LRMDA: variants seen among roughly 807,000 people sequenced by gnomAD.
LRMDA encodes leucine rich melanocyte differentiation associated, also known as leucine-rich melanocyte differentiation-associated protein.
LRMDA carries 18 observed loss-of-function variants against 29.8 expected under a neutral mutation model. The observed-to-expected ratio is 0.60, with a 90% CI of 0.42 to 0.90. The LOEUF is 0.90. Among genes scored for constraint, LRMDA ranks in the 40% least tolerant of loss-of-function variants. The pLI is 0.00. For synonymous variants in LRMDA, 125 were observed against 109.4 expected (o/e 1.14, Z -0.89); for missense variants, 273 against 273.9 (o/e 1.00, Z 0.02).
intron 5 of LRMDA, among the ~76,000 whole-genome samples, chr10:76,205,991 C>T (rs192974948): frequency 2.0e-5 from 3 of 152,292 alleles, no homozygotes; most frequent in Admixed American, 6.5e-5. Context: ...GTGACCCATA[C>T]GCATGGGAAA....
intron 5 of LRMDA, among the ~76,000 whole-genome samples, chr10:76,126,908 A>G (rs1849893788): frequency 6.6e-6 from 1 of 152,188 alleles, no homozygotes; most frequent in South Asian, 2.1e-4. Flanking sequence ...AACCACCCTA[A>G]GCAGATTGTG....
At chr10:75,855,059 T>A in intron 2 of LRMDA, among the ~76,000 whole-genome samples, 1 of 152,200 alleles carries the variant, frequency 6.6e-6, no homozygotes, top group Non-Finnish European at 1.5e-5. Context: ...GCAGCATGAT[T>A]TCTAATCCTT....
chr10:76,115,473 C>G (rs901141669), intron 5 of LRMDA, among the ~76,000 whole-genome samples: 2 of 152,184 alleles, frequency 1.3e-5, no homozygotes, highest in Non-Finnish European at 2.9e-5. Flanking sequence ...TTTAGGTCAC[C>G]CTGCCAGTTG....
At chr10:76,159,999 G>A (rs998863373) in intron 5 of LRMDA, among the ~76,000 whole-genome samples, 5 of 152,018 alleles carry the variant, frequency 3.3e-5, no homozygotes, top group African/African-American at 1.2e-4. Flanking sequence ...ACAACACCAA[G>A]CGAACTCTAA....
chr10:75,600,680 A>T (rs535723696), intron 2 of LRMDA, among the ~76,000 whole-genome samples: 6 of 152,330 alleles, frequency 3.9e-5, no homozygotes, highest in African/African-American at 1.4e-4. Flanking sequence ...GACCATCCAC[A>T]GGGACGTGTA....
chr10:76,443,419 A>G (rs1328963590), intron 6 of LRMDA, among the ~76,000 whole-genome samples: 3 of 152,168 alleles, frequency 2.0e-5, no homozygotes, highest in East Asian at 1.9e-4. Flanking sequence ...TAGAATTCAC[A>G]GTTTTAGTTT....
chr10:75,533,290 G>C (rs1401824008), intron 2 of LRMDA, among the ~76,000 whole-genome samples: 1 of 152,118 alleles, frequency 6.6e-6, no homozygotes, highest in Non-Finnish European at 1.5e-5. Context: ...CCCTTAAAAT[G>C]GACTCCTCAT....
chr10:75,702,057 CA>C (rs915484034), intron 2 of LRMDA, among the ~76,000 whole-genome samples: 14 of 152,310 alleles, frequency 9.2e-5, no homozygotes, highest in African/African-American at 2.6e-4. Flanking sequence ...CCCACATCCT[CA>C]ATCTTCACCT....
intron 5 of LRMDA, among the ~76,000 whole-genome samples, chr10:76,123,488 AAC>A (rs1344880682): frequency 6.6e-6 from 1 of 152,210 alleles, no homozygotes; most frequent in Non-Finnish European, 1.5e-5. Context: ...CAGCCTGGGC[AAC>A]ACAGTGAGAC....
chr10:76,363,337 G>GA (rs1036271646), intron 6 of LRMDA, among the ~76,000 whole-genome samples: 1 of 151,630 alleles, frequency 6.6e-6, no homozygotes, highest in Non-Finnish European at 1.5e-5. Context: ...GAAAAGAAAA[G>GA]AAAAAAGAAG....
At chr10:76,502,340 T>C (rs1212984718) in intron 6 of LRMDA, among the ~76,000 whole-genome samples, 1 of 151,962 alleles carries the variant, frequency 6.6e-6, no homozygotes, top group Non-Finnish European at 1.5e-5. Flanking sequence ...TTTGGCTATT[T>C]GAGCTCTTTT....
chr10:75,462,375 T>C (rs903926978), intron 2 of LRMDA, among the ~76,000 whole-genome samples: 2 of 152,210 alleles, frequency 1.3e-5, no homozygotes, highest in African/African-American at 4.8e-5. Flanking sequence ...AGGTGTAGTC[T>C]CTTTTGTTTT....
intron 6 of LRMDA, among the ~76,000 whole-genome samples, chr10:76,533,951 T>C (rs146962757): frequency 2.6e-5 from 4 of 152,308 alleles, no homozygotes; most frequent in African/African-American, 9.6e-5. Flanking sequence ...TGTAGACAGA[T>C]CAGACTTCTT....
chr10:75,761,958 G>T (rs1433573506), intron 2 of LRMDA, among the ~76,000 whole-genome samples: 1 of 151,882 alleles, frequency 6.6e-6, no homozygotes, highest in African/African-American at 2.4e-5. Flanking sequence ...GTGCCACCAC[G>T]CCTGGCTAAT....
chr10:76,186,212 A>T (rs957601197), intron 5 of LRMDA, among the ~76,000 whole-genome samples: 2 of 152,202 alleles, frequency 1.3e-5, no homozygotes, highest in South Asian at 4.1e-4. Flanking sequence ...ACTCACAGCA[A>T]TGTGCCAGAT....
At chr10:75,780,939 A>C (rs566873248) in intron 2 of LRMDA, among the ~76,000 whole-genome samples, 2 of 152,294 alleles carry the variant, frequency 1.3e-5, no homozygotes, top group African/African-American at 4.8e-5. Context: ...TACCTAAAGG[A>C]ATAAGTCTTA....
intron 2 of LRMDA, among the ~76,000 whole-genome samples, chr10:75,483,739 G>C (rs958763044): frequency 2.0e-5 from 3 of 151,876 alleles, no homozygotes; most frequent in Admixed American, 2.0e-4. Flanking sequence ...TTCTCTAAAA[G>C]TTTTTCAATT....
At chr10:76,324,601 A>T in intron 6 of LRMDA, 116 bp downstream of exon 6, 1 of 871,588 alleles carries the variant, frequency 1.1e-6, no homozygotes, top group Non-Finnish European at 1.8e-6. Flanking sequence ...GTGCTTTTTA[A>T]GTCCTTGATG....
intron 2 of LRMDA, among the ~76,000 whole-genome samples, chr10:75,440,396 G>A (rs1844313338): frequency 6.6e-6 from 1 of 151,864 alleles, no homozygotes; most frequent in African/African-American, 2.4e-5. Context: ...TGGTCAGTGT[G>A]TGAACTCCAC....
Sources: allele counts gnomAD v4.1 joint callset (sites outside exome capture counted in the v4.1 genomes callset), GRCh38; gene constraint gnomAD v4.1.1; transcripts MANE v1.5; gene names NCBI Gene and HGNC (gene_info 2026-07-23, HGNC 2026-07-21).